The following PCDHA3 variants were observed in gnomAD, a reference collection of about 807,000 sequenced individuals.
PCDHA3 encodes protocadherin alpha 3.
Under a neutral mutation model 62.2 loss-of-function variants are expected in PCDHA3, and 41 were observed. The ratio of observed to expected loss-of-function variants is 0.66; its 90% CI spans 0.51 to 0.86. The LOEUF is 0.86. PCDHA3 is among the 40% of genes least tolerant of loss of function. The pLI is 0.00. For missense variants in PCDHA3, 1,304 were observed against 1,241.2 expected, an observed-to-expected ratio of 1.05 and a Z score of -0.76; for synonymous variants, 640 against 555.4, an observed-to-expected ratio of 1.15 and a Z score of -2.14.
intron 1 of PCDHA3, chr5:140,847,362 C>T (rs1444226307): frequency 6.7e-6 from 1 of 149,420 alleles, no homozygotes; most frequent in Non-Finnish European, 1.5e-5. Context: ...AGTAGAAATA[C>T]GAAATAAAAG....
At chr5:140,868,874 A>G (rs547590599) in intron 1 of PCDHA3, 25 of 646,974 alleles carry the variant, frequency 3.9e-5, no homozygotes, top group Middle Eastern at 8.7e-4. Flanking sequence ...AGTGCACAGT[A>G]CTCACAGTTT....
intron 1 of PCDHA3, among the ~76,000 whole-genome samples, chr5:140,960,579 C>G (rs2095556928): frequency 6.6e-6 from 1 of 152,052 alleles, no homozygotes; most frequent in South Asian, 2.1e-4. Context: ...AGTTGGAAAA[C>G]AGTTCAAATT....
chr5:140,876,979 G>T lies in PCDHA3; in HGVS notation c.2394+73388G>T. ...GGTGGAGCGGCGGGTGGGCGAGCAC[G>T]CACTGTCGAGCTACGTGTCGGTGCA... On this transcript the variant is annotated intron_variant, in intron 1 of 3. Transcript: ENST00000522353. The T allele has an allele frequency of 2.5e-6, 4 of 1,612,614 alleles. No homozygotes were observed. The South Asian group carries it at 3.3e-5, about 13-fold the overall frequency.
intron 1 of PCDHA3, chr5:140,828,744 G>C: frequency 6.2e-7 from 1 of 1,614,228 alleles, no homozygotes; most frequent in Non-Finnish European, 8.5e-7. Flanking sequence ...ACAGATGGGG[G>C]CAAACCTGAG....
chr5:140,926,763 C>T, intron 1 of PCDHA3: 1 of 1,327,892 alleles, frequency 7.5e-7, no homozygotes, highest in African/African-American at 1.5e-5. Flanking sequence ...GCTGAGTATC[C>T]AGCCCGCAGC....
chr5:140,822,082 A>G, intron 1 of PCDHA3: 1 of 1,614,244 alleles, frequency 6.2e-7, no homozygotes, highest in Non-Finnish European at 8.5e-7. Context: ...GGAGTGCAGC[A>G]TCCACCTGGA....
chr5:140,882,505 G>A (rs782409687), intron 1 of PCDHA3: 13 of 1,614,168 alleles, frequency 8.1e-6, no homozygotes, highest in South Asian at 2.2e-5. Flanking sequence ...AGGTAAATCT[G>A]CAGAATGGCA....
At chr5:140,813,583 T>G (rs1765338148) in intron 1 of PCDHA3, 1 of 152,210 alleles carries the variant, frequency 6.6e-6, no homozygotes, top group Non-Finnish European at 1.5e-5. Context: ...GGCTGGAAAT[T>G]TATCTGCATG....
At chr5:140,823,223 C>A (rs1367836220) in intron 1 of PCDHA3, 3 of 1,613,554 alleles carry the variant, frequency 1.9e-6, no homozygotes, top group East Asian at 4.5e-5. Context: ...GACGCGGACG[C>A]GCAGGAGAAC....
rs577931904 is a variant in PCDHA3 at position 140,968,275 on chromosome 5, G to A, written c.2395-10674G>A. On this transcript the variant is annotated intron_variant, in intron 1 of 3. Coordinates refer to ENST00000522353, the MANE Select transcript of PCDHA3 (RefSeq NM_018906.3). ...ACCCAGATGAAAAGGAGAATGCAGA[G>A]GTGACCTACTCCCTTCTGGAGAGGG... is the stretch of plus-strand genomic sequence containing the variant. The A allele has an allele frequency of 5.0e-6, 8 of 1,614,040 alleles. No individual in the cohort carries two copies. The African/African-American group carries it at 8.0e-5, about 16-fold the overall frequency.
chr5:141,009,706 C>G lies in PCDHA3; in HGVS notation c.2622C>G (p.Gly874=). Reference sequence around the variant, plus strand: ...GCTGGACCTTTAAATACGGACCAGGCAACCCCAAACAATCCGGTCCCGGTG... The same window carrying G: ...GCTGGACCTTTAAATACGGACCAGGGAACCCCAAACAATCCGGTCCCGGTG... ...SNSWTFKYGP[G]NPKQSGPGEL... The change falls in exon 4 of 4, where the codon GGC becomes GGG. Residue 874 remains glycine, a synonymous_variant. Transcript: ENST00000522353. 1 of 1,614,118 alleles carries G rather than the reference C, an allele frequency of 6.2e-7. No homozygotes were observed. Among genetic ancestry groups the G allele is most frequent in the Non-Finnish European group, 8.5e-7 (1 of 1,180,020 alleles).
chr5:140,937,039 CT>C (rs34994034), intron 1 of PCDHA3, among the ~76,000 whole-genome samples: 142 of 140,130 alleles, frequency 1.0e-3, no homozygotes, highest in Middle Eastern at 3.8e-3. Flanking sequence ...TTCCATTTAT[CT>C]TTTTTTTTTT....
At chr5:140,846,064 C>T (rs2150218418) in intron 1 of PCDHA3, among the ~76,000 whole-genome samples, 1 of 149,696 alleles carries the variant, frequency 6.7e-6, no homozygotes, top group East Asian at 1.9e-4. Flanking sequence ...TGTGGGAAAA[C>T]AGTTTTTTGG....
intron 2 of PCDHA3, among the ~76,000 whole-genome samples, chr5:140,981,529 G>A (rs1014315292): frequency 3.9e-5 from 6 of 152,196 alleles, no homozygotes; most frequent in East Asian, 1.9e-4. Flanking sequence ...AGCTGAGATC[G>A]TGCCACTGTA....
chr5:140,830,233 G>T (rs2150183193), intron 1 of PCDHA3: 2 of 1,613,906 alleles, frequency 1.2e-6, no homozygotes, highest in East Asian at 4.5e-5. Context: ...TGGTCCTCAC[G>T]CTACTGCTGT....
At chr5:140,923,104 A>AT (rs2081172107) in intron 1 of PCDHA3, among the ~76,000 whole-genome samples, 1 of 152,194 alleles carries the variant, frequency 6.6e-6, no homozygotes, top group Admixed American at 6.5e-5. Context: ...TGGGAGTATG[A>AT]TTTTAAGTTT....
At chr5:140,961,864 AG>A (rs2095638942) in intron 1 of PCDHA3, among the ~76,000 whole-genome samples, 3 of 151,832 alleles carry the variant, frequency 2.0e-5, no homozygotes, top group Non-Finnish European at 2.9e-5. Context: ...ATCTGGCCAC[AG>A]ATAATTGACT....
chr5:140,836,594 C>T (rs2150264886), intron 1 of PCDHA3: 2 of 1,613,766 alleles, frequency 1.2e-6, no homozygotes, highest in African/African-American at 2.7e-5. Context: ...TGGTAAAGCC[C>T]ACTCTGGTGT....
chr5:140,975,983 T>A (rs975014640), intron 1 of PCDHA3, among the ~76,000 whole-genome samples: 31 of 152,290 alleles, frequency 2.0e-4, no homozygotes, highest in Admixed American at 2.0e-3. Flanking sequence ...AGCATAGTCC[T>A]GGGAGGTACC....
Sources: gnomAD v4.1 joint callset for allele counts (sites outside exome capture counted in the v4.1 genomes callset) on GRCh38, gnomAD v4.1.1 for gene constraint, MANE v1.5 for transcripts, NCBI Gene and HGNC (gene_info 2026-07-23, HGNC 2026-07-21) for gene names.